LPP: variants seen among roughly 807,000 people sequenced by gnomAD.
LPP encodes the protein lipoma-preferred partner.
LPP carries 38 observed loss-of-function variants against 60.4 expected under a neutral mutation model. The observed-to-expected ratio is 0.63, with a 90% CI of 0.49 to 0.83. The LOEUF (loss-of-function observed/expected upper bound fraction) is 0.83. Ranked by LOEUF, LPP falls within the 40% of genes least tolerant of loss-of-function variation. The pLI is 0.00. For missense variants in LPP, 902 were observed against 783.6 expected (o/e 1.15, Z -1.80); for synonymous variants, 328 against 290.8 (o/e 1.13, Z -1.30).
chr3:188,305,541 T>G (rs1751243727), intron 2 of LPP, among the ~76,000 whole-genome samples: 1 of 152,180 alleles, frequency 6.6e-6, no homozygotes. Flanking sequence ...TTACTGGGTC[T>G]TGGTCTTCTA....
rs149349213 is a variant in LPP, at chr3:188,322,533, C to T, written c.-66-19130C>T. On this transcript the variant is annotated intron_variant, in intron 2 of 11. Coordinates refer to ENST00000617246, the MANE Select transcript of LPP (RefSeq NM_001375462.1). ...CTTATAGAATCTATGATGGCTTAGT[C>T]GTTCACTCTTCCTAGAAAAGACCTC... Among the ~76,000 whole-genome samples the T allele has an allele frequency of 6.3e-3, 957 of 152,238 alleles. 8 individuals are homozygous for T. Among genetic ancestry groups the T allele is most frequent in the African/African-American group, 0.022 (898 of 41,534 alleles).
chr3:188,224,640 C>T (rs1167540572), intron 1 of LPP, among the ~76,000 whole-genome samples: 1 of 152,078 alleles, frequency 6.6e-6, no homozygotes, highest in Admixed American at 6.6e-5. Flanking sequence ...TCTGGGAAGA[C>T]CTCAGGGAGC....
chr3:188,490,141 A>G (rs1477051790), intron 5 of LPP, among the ~76,000 whole-genome samples: 2 of 152,218 alleles, frequency 1.3e-5, no homozygotes, highest in Admixed American at 6.5e-5. Context: ...ATGCAAAGTC[A>G]GAGGAATGAC....
intron 5 of LPP, among the ~76,000 whole-genome samples, chr3:188,495,345 A>T (rs1281323913): frequency 1.3e-5 from 2 of 151,008 alleles, no homozygotes; most frequent in East Asian, 2.0e-4. Flanking sequence ...TTGTAATTTC[A>T]TGGTGATTTA....
At position 188,609,833 on chromosome 3, in the gene LPP, T is replaced by C. The variant is rs1252958180; in HGVS notation, c.1102T>C (p.Leu368=). 3 of 1,610,092 alleles carry C rather than the reference T, an allele frequency of 1.9e-6. No individual in the cohort carries two copies. Among genetic ancestry groups the C allele is most frequent in the Non-Finnish European group, 2.5e-6 (3 of 1,178,480 alleles). Residue 368 remains leucine (L), a synonymous_variant, in exon 7 of 12, where the codon TTG becomes CTG. Coordinates refer to ENST00000617246, the MANE Select transcript of LPP (RefSeq NM_001375462.1). This position sits in a 1 kb window ranked among gnomAD's most constrained non-coding sequence, Gnocchi z 6.9. The stretch of plus-strand genomic sequence containing the variant: ...TGTTTCAGCCCCCTGTGCGCCACCA[T>C]TGCAGCCAAAGGTAAGAAACTCAGT... The part of the protein sequence containing the change: ...DPVSAPCAPP[L]QPKGGHSGQL...
Position 188,886,273 on chromosome 3 carries a change from C to T in LPP, c.*11794C>T, listed in dbSNP as rs1770652625. The T allele has an allele frequency of 6.4e-6, 1 of 156,436 alleles. No individual in the cohort carries two copies. Among genetic ancestry groups the T allele is most frequent in the South Asian group, 2.1e-4 (1 of 4,652 alleles). 9.7% of individuals were successfully genotyped at this position (156,436 alleles called of 1,614,324 possible). A position where few individuals can be genotyped will look rare whatever the true frequency, so the allele number is the denominator to read the frequency against. On this transcript the variant is annotated 3_prime_UTR_variant, in exon 12 of 12. Coordinates refer to ENST00000617246, the MANE Select transcript of LPP (RefSeq NM_001375462.1). ...ATATGTAACTAACCTGCACATTGTG[C>T]ACATGTACCCTAAAACTTAAAGTAT...
At chr3:188,591,159 T>C (rs367781051) in intron 6 of LPP, among the ~76,000 whole-genome samples, 3 of 152,222 alleles carry the variant, frequency 2.0e-5, no homozygotes, top group Non-Finnish European at 4.4e-5. Context: ...TGGACACTTA[T>C]GTTGTGCTTT....
chr3:188,344,834 C>T (rs2150711678), intron 3 of LPP, among the ~76,000 whole-genome samples: 1 of 152,286 alleles, frequency 6.6e-6, no homozygotes. Flanking sequence ...AGCTGTTTTC[C>T]TCCACATTTC....
chr3:188,248,207 C>A (rs1727702421), intron 2 of LPP, among the ~76,000 whole-genome samples: 2 of 151,970 alleles, frequency 1.3e-5, no homozygotes, highest in African/African-American at 4.8e-5. Context: ...GTAATGGAAA[C>A]TCTTGAAAAG....
At chr3:188,767,508 G>A (rs1415651521) in intron 9 of LPP, among the ~76,000 whole-genome samples, 1 of 152,122 alleles carries the variant, frequency 6.6e-6, no homozygotes, top group Admixed American at 6.6e-5. Flanking sequence ...TAATATGATT[G>A]ATAACGTTAA....
intron 2 of LPP, among the ~76,000 whole-genome samples, chr3:188,325,935 A>G (rs1302229213): frequency 1.3e-5 from 2 of 152,100 alleles, no homozygotes; most frequent in Admixed American, 1.3e-4. Flanking sequence ...TCTACATGAC[A>G]AGAAAGAACA....
intron 1 of LPP, among the ~76,000 whole-genome samples, chr3:188,174,407 A>G (rs2148832025): frequency 6.6e-6 from 1 of 152,394 alleles, no homozygotes; most frequent in East Asian, 1.9e-4. Context: ...TAGTGTAAAG[A>G]CATGGCATAG....
intron 1 of LPP, among the ~76,000 whole-genome samples, chr3:188,185,303 A>C (rs1395642417): frequency 6.6e-6 from 1 of 152,062 alleles, no homozygotes; most frequent in Non-Finnish European, 1.5e-5. Context: ...CCTGTAGGGC[A>C]CAGGTTGCAG....
chr3:188,499,630 T>C (rs993570439), intron 5 of LPP, among the ~76,000 whole-genome samples: 1 of 152,194 alleles, frequency 6.6e-6, no homozygotes, highest in Admixed American at 6.5e-5. Context: ...GGATAGGTTT[T>C]TCTACTTTTT....
intron 5 of LPP, among the ~76,000 whole-genome samples, chr3:188,516,989 A>C (rs1817553863): frequency 6.6e-6 from 1 of 152,148 alleles, no homozygotes; most frequent in African/African-American, 2.4e-5. Context: ...ACTTAGTTTT[A>C]CTTTTGATCA....
chr3:188,702,257 T>C (rs1864613567), intron 7 of LPP, among the ~76,000 whole-genome samples: 2 of 151,906 alleles, frequency 1.3e-5, no homozygotes. Context: ...CGCCCAGCCT[T>C]TCCTCTTAAC....
In LPP at chr3:188,433,215, A is replaced by G. The variant is rs192425504; in HGVS notation, c.193+26902A>G. 7.2e-5 allele frequency among the ~76,000 whole-genome samples: 11 copies of G among 152,330 alleles called. No homozygotes were observed. The East Asian group carries it at 1.9e-3, about 27-fold the overall frequency. On this transcript the variant is annotated intron_variant, in intron 4 of 11. Transcript: ENST00000617246. ...TATTTCAACTGGAGTATTGAACGTT[A>G]TAGTGATGGATACAGTTAATCCATC...
intron 7 of LPP, among the ~76,000 whole-genome samples, chr3:188,707,599 A>G (rs1280139519): frequency 6.6e-6 from 1 of 152,222 alleles, no homozygotes; most frequent in Non-Finnish European, 1.5e-5. Context: ...TAACTGGAAC[A>G]AAAGAACTAG....
intron 2 of LPP, among the ~76,000 whole-genome samples, chr3:188,242,413 AG>A (rs1725299545): frequency 6.6e-6 from 1 of 151,758 alleles, no homozygotes; most frequent in African/African-American, 2.4e-5. Flanking sequence ...GAAAAGAAGA[AG>A]GAAAAAAAAA....
Sources: allele counts gnomAD v4.1 joint callset (sites outside exome capture counted in the v4.1 genomes callset), GRCh38; gene constraint gnomAD v4.1.1; non-coding constraint Gnocchi (gnomAD v3.1); transcripts MANE v1.5; gene names NCBI Gene and HGNC (gene_info 2026-07-23, HGNC 2026-07-21).